The following COL23A1 variants were observed in gnomAD, a reference collection of about 807,000 sequenced individuals.
The protein encoded by COL23A1 is collagen type XXIII alpha 1 chain.
COL23A1 carries 97 observed loss-of-function variants against 99.3 expected under a neutral mutation model. That is an observed-to-expected ratio of 0.98 (90% CI 0.83 to 1.16). The LOEUF (loss-of-function observed/expected upper bound fraction) is 1.16, where lower values mean the gene tolerates loss of function less well. Ranked by LOEUF, COL23A1 falls within the 50% of genes most tolerant of loss-of-function variation. The pLI is 0.00. For missense variants in COL23A1, 762 were observed against 757.4 expected (o/e 1.01, Z -0.07); for synonymous variants, 320 against 308.2 (o/e 1.04, Z -0.40).
chr5:178,490,344 C>A (rs1245461831), intron 2 of COL23A1, among the ~76,000 whole-genome samples: 1 of 151,876 alleles, frequency 6.6e-6, no homozygotes, highest in Non-Finnish European at 1.5e-5. Context: ...ATAAGCCACA[C>A]AAAAAGGATA....
At chr5:178,557,727 C>T (rs533440474) in intron 2 of COL23A1, among the ~76,000 whole-genome samples, 4 of 152,168 alleles carry the variant, frequency 2.6e-5, no homozygotes, top group East Asian at 1.9e-4. Context: ...CCGAGGGACA[C>T]GCTGGAGAGC....
intron 5 of COL23A1, 47 bp from the exon 6 acceptor site, chr5:178,270,410 C>T (rs764351969): frequency 1.2e-6 from 2 of 1,608,060 alleles, no homozygotes; most frequent in African/African-American, 1.3e-5. Flanking sequence ...GGGGATGACA[C>T]TTCCTCCATG....
In COL23A1 at chr5:178,305,014, C is replaced by T. The variant is rs187328741; in HGVS notation, c.406+1861G>A. ...TAAGCTGAATAATATCATACTTTGT[C>T]CTAAAAAAATGACTCTGTGTTCCTC... On this transcript the variant is annotated intron_variant, in intron 3 of 28. Coordinates refer to ENST00000390654, the MANE Select transcript of COL23A1 (RefSeq NM_173465.4). Among the ~76,000 whole-genome samples the T allele has an allele frequency of 4.5e-3, 692 of 152,098 alleles. 8 individuals carry two copies. Among genetic ancestry groups the T allele is most frequent in the Non-Finnish European group, 5.5e-3 (377 of 67,982 alleles).
In COL23A1 at chr5:178,249,266, C is replaced by A. The variant is rs570982679; in HGVS notation, c.1060-60G>T. The A allele has an allele frequency of 9.2e-6, 14 of 1,518,550 alleles. No individual in the cohort carries two copies. The East Asian group carries it at 1.8e-4, about 20-fold the overall frequency. 94.1% of individuals were successfully genotyped at this position (1,518,550 alleles called of 1,614,324 possible). ...CAGGAGGTCCCCTCCCTTCTCCCCC[C>A]AGCAGGTCCCCAGAGCTTAGTTCAT... On this transcript the variant is annotated intron_variant, in intron 18 of 28. Transcript: ENST00000390654.
At chr5:178,464,402 G>T (rs1323568383) in intron 2 of COL23A1, among the ~76,000 whole-genome samples, 1 of 152,172 alleles carries the variant, frequency 6.6e-6, no homozygotes, top group Non-Finnish European at 1.5e-5. Flanking sequence ...CCTTTTAGGG[G>T]CTCAATACTA....
At chr5:178,382,212 G>A (rs1171799869) in intron 2 of COL23A1, among the ~76,000 whole-genome samples, 1 of 152,112 alleles carries the variant, frequency 6.6e-6, no homozygotes, top group South Asian at 2.1e-4. Context: ...AAGAGTGGTG[G>A]GGGCACAGAG....
In COL23A1 at chr5:178,247,800, C is replaced by G; in HGVS notation, c.1244G>C (p.Gly415Ala). The change falls in exon 21 of 29, where the codon GGC becomes GCC. Residue 415 changes from glycine to alanine, a missense_variant. Transcript: ENST00000390654. Reference protein sequence around the residue: ...AQLIVEPGPPGPPGPPGPMGL... With the variant: ...AQLIVEPGPPAPPGPPGPMGL... The stretch of plus-strand genomic sequence containing the variant: ...CATCGGGCCTGGGGGGCCAGGGGGG[C>G]CAGGGGGCCCTGGCTCCACTATGAG... 1 of 1,613,666 alleles carries G rather than the reference C, an allele frequency of 6.2e-7. No homozygotes were observed. Among genetic ancestry groups the G allele is most frequent in the Non-Finnish European group, 8.5e-7 (1 of 1,179,784 alleles).
At chr5:178,504,012 T>C (rs922521936) in intron 2 of COL23A1, among the ~76,000 whole-genome samples, 1 of 151,838 alleles carries the variant, frequency 6.6e-6, no homozygotes, top group Non-Finnish European at 1.5e-5. Flanking sequence ...TTGTATGTTA[T>C]CAAGTAATAT....
At chr5:178,523,963 T>C (rs1760164907) in intron 2 of COL23A1, among the ~76,000 whole-genome samples, 1 of 152,176 alleles carries the variant, frequency 6.6e-6, no homozygotes, top group African/African-American at 2.4e-5. Context: ...TTCCTTTTCA[T>C]GATCTCTGAC....
At chr5:178,404,373 C>T (rs1449688335) in intron 2 of COL23A1, among the ~76,000 whole-genome samples, 1 of 152,142 alleles carries the variant, frequency 6.6e-6, no homozygotes, top group Non-Finnish European at 1.5e-5. Context: ...TCAGCAACAC[C>T]AGGAGGGAGA....
Position 178,238,684 on chromosome 5 carries a change from G to A in COL23A1, c.*14C>T, listed in dbSNP as rs2127518574. 1 of 1,612,186 alleles carries A rather than the reference G, an allele frequency of 6.2e-7. No individual in the cohort carries two copies. Among genetic ancestry groups the A allele is most frequent in the East Asian group, 2.2e-5 (1 of 44,880 alleles). ...TCCACACGGATCTGTACAGGTGTGA[G>A]CTGGGCCTGTGGGTCACTGGAAAAG... On this transcript the variant is annotated 3_prime_UTR_variant, in exon 29 of 29. Coordinates refer to ENST00000390654, the MANE Select transcript of COL23A1 (RefSeq NM_173465.4).
intron 1 of COL23A1, among the ~76,000 whole-genome samples, chr5:178,580,435 G>A (rs962651370): frequency 2.0e-5 from 3 of 150,480 alleles, no homozygotes; most frequent in Non-Finnish European, 3.0e-5. Context: ...GAAGTACGCC[G>A]ACACGTGACT....
At chr5:178,563,865 T>C (rs1762725517) in intron 1 of COL23A1, among the ~76,000 whole-genome samples, 1 of 152,156 alleles carries the variant, frequency 6.6e-6, no homozygotes, top group African/African-American at 2.4e-5. Context: ...TATTCGCAGA[T>C]ATTAAGGCAG....
intron 1 of COL23A1, among the ~76,000 whole-genome samples, chr5:178,570,059 C>T (rs1444004016): frequency 6.6e-6 from 1 of 151,882 alleles, no homozygotes; most frequent in Non-Finnish European, 1.5e-5. Flanking sequence ...ATGTTGGAGA[C>T]CATCTTAGAA....
intron 2 of COL23A1, among the ~76,000 whole-genome samples, chr5:178,412,735 TAA>T (rs1765114635): frequency 6.6e-6 from 1 of 152,232 alleles, no homozygotes; most frequent in African/African-American, 2.4e-5. Context: ...TTTGTGACTA[TAA>T]TTTTAAATTT....
intron 25 of COL23A1, among the ~76,000 whole-genome samples, chr5:178,243,414 G>C (rs1244586431): frequency 6.6e-6 from 1 of 150,824 alleles, no homozygotes; most frequent in Non-Finnish European, 1.5e-5. Flanking sequence ...TTGAACCCGG[G>C]AGACAGAAGT....
chr5:178,345,746 C>G (rs962194949), intron 2 of COL23A1, among the ~76,000 whole-genome samples: 1 of 151,662 alleles, frequency 6.6e-6, no homozygotes, highest in African/African-American at 2.4e-5. Context: ...AGGATGGTCT[C>G]AATCTCCTGA....
chr5:178,527,850 G>C (rs1238245726), intron 2 of COL23A1, among the ~76,000 whole-genome samples: 1 of 152,246 alleles, frequency 6.6e-6, no homozygotes, highest in Non-Finnish European at 1.5e-5. Context: ...TTGTTCCTCA[G>C]ATACAGCCCG....
intron 25 of COL23A1, 62 bp from the exon 26 acceptor site, chr5:178,242,456 G>A (rs572389274): frequency 7.8e-6 from 12 of 1,541,546 alleles, no homozygotes; most frequent in East Asian, 2.3e-5. Context: ...CTCTGTTACC[G>A]GCTCATCTCT....
Sources: allele counts gnomAD v4.1 joint callset (sites outside exome capture counted in the v4.1 genomes callset), GRCh38; gene constraint gnomAD v4.1.1; transcripts MANE v1.5; gene names NCBI Gene and HGNC (gene_info 2026-07-23, HGNC 2026-07-21).